Variants in GRM8 observed in about 807,000 individuals in gnomAD.
GRM8 encodes the protein glutamate metabotropic receptor 8, also known as metabotropic glutamate receptor 8.
Under a neutral mutation model 87.2 loss-of-function variants are expected in GRM8, and 47 were observed. The observed-to-expected ratio is 0.54, with a 90% CI of 0.43 to 0.69. GRM8 has a LOEUF of 0.69. Among genes scored for constraint, GRM8 ranks in the 30% least tolerant of loss-of-function variants. GRM8 has a pLI of 0.00. For missense variants in GRM8, 1,019 were observed against 1,139.2 expected (o/e 0.89, Z 1.52); for synonymous variants, 396 against 404.5 (o/e 0.98, Z 0.25).
chr7:127,199,987 T>C (rs1269135761), intron 2 of GRM8, among the ~76,000 whole-genome samples: 1 of 152,212 alleles, frequency 6.6e-6, no homozygotes, highest in Non-Finnish European at 1.5e-5. Flanking sequence ...ATCATATATA[T>C]TTTTTCTTAG....
intron 7 of GRM8, among the ~76,000 whole-genome samples, chr7:126,757,963 C>G (rs1438670098): frequency 6.6e-6 from 1 of 152,050 alleles, no homozygotes; most frequent in East Asian, 1.9e-4. Context: ...CAGGAGGTGA[C>G]TGCAAGAGAA....
intron 6 of GRM8, among the ~76,000 whole-genome samples, chr7:126,860,163 T>C (rs1798033386): frequency 6.6e-6 from 1 of 152,164 alleles, no homozygotes; most frequent in Non-Finnish European, 1.5e-5. Context: ...CTATCCAGAT[T>C]ATAAATTCAT....
chr7:127,070,946 C>G (rs17865064), intron 3 of GRM8, among the ~76,000 whole-genome samples: 2 of 152,222 alleles, frequency 1.3e-5, no homozygotes, highest in East Asian at 3.9e-4. Flanking sequence ...AATTCTGAAA[C>G]AGGCCATTTC....
At chr7:126,645,750 G>A (rs923231937) in intron 7 of GRM8, among the ~76,000 whole-genome samples, 2 of 152,140 alleles carry the variant, frequency 1.3e-5, no homozygotes, top group Non-Finnish European at 2.9e-5. Context: ...TCAACTTCAT[G>A]ATCATTAGTA....
intron 7 of GRM8, among the ~76,000 whole-genome samples, chr7:126,686,130 G>C (rs1343213202): frequency 6.6e-6 from 1 of 151,678 alleles, no homozygotes; most frequent in Non-Finnish European, 1.5e-5. Flanking sequence ...ACCAAATGCA[G>C]AGAGGAGCTA....
At chr7:126,832,016 G>C (rs960773619) in intron 6 of GRM8, among the ~76,000 whole-genome samples, 1 of 152,044 alleles carries the variant, frequency 6.6e-6, no homozygotes, top group Admixed American at 6.5e-5. Context: ...CAATAAATAA[G>C]TGCAGACTTA....
intron 2 of GRM8, among the ~76,000 whole-genome samples, chr7:127,150,552 T>C (rs535122352): frequency 6.6e-6 from 1 of 152,234 alleles, no homozygotes; most frequent in South Asian, 2.1e-4. Flanking sequence ...CACTAAGCAC[T>C]CTACCTACCT....
intron 3 of GRM8, among the ~76,000 whole-genome samples, chr7:126,942,940 A>C (rs1807129377): frequency 6.6e-6 from 1 of 152,140 alleles, no homozygotes; most frequent in African/African-American, 2.4e-5. Context: ...ACTGATACCC[A>C]ATACTGAGTT....
chr7:126,800,312 G>A (rs760530597), intron 6 of GRM8, among the ~76,000 whole-genome samples: 3 of 151,974 alleles, frequency 2.0e-5, no homozygotes, highest in South Asian at 2.1e-4. Context: ...TGCAGTCTAC[G>A]CTCCCTTCAG....
intron 8 of GRM8, among the ~76,000 whole-genome samples, chr7:126,575,457 T>C (rs116033608): frequency 0.011 from 1,710 of 152,002 alleles, 41 homozygotes; most frequent in African/African-American, 0.039. Flanking sequence ...ATAAATGTAA[T>C]GCACTTAAAT....
Position 127,252,834 on chromosome 7 carries a change from G to C in GRM8, c.-349C>G, listed in dbSNP as rs1042115194. ...AGAGGGCGCGGTGAGGAAGCCCGCC[G>C]GGGGCCCGCAGCTCCATGTCAGCGC... On this transcript the variant is annotated 5_prime_UTR_variant, in exon 1 of 11. Transcript: ENST00000339582. The surrounding 1 kb of genome is among the most constrained non-coding windows in gnomAD (Gnocchi z 4.9). 1.9e-5 allele frequency: 4 copies of C among 208,646 alleles called. No individual in the cohort carries two copies. Among genetic ancestry groups the C allele is most frequent in the African/African-American group, 4.8e-5 (2 of 41,890 alleles). 12.9% of individuals were successfully genotyped at this position (208,646 alleles called of 1,614,324 possible). A position where few individuals can be genotyped will look rare whatever the true frequency, so the allele number is the denominator to read the frequency against.
chr7:126,938,937 T>C (rs1806613280), intron 3 of GRM8, among the ~76,000 whole-genome samples: 1 of 152,194 alleles, frequency 6.6e-6, no homozygotes, highest in South Asian at 2.1e-4. Flanking sequence ...GCTACTTACC[T>C]AGACTCTCTA....
Position 126,986,340 on chromosome 7 carries a change from C to A in GRM8, c.728-81657G>T, listed in dbSNP as rs113356105. ...TCCCAAGTCACTTTTATTATCATAACCTGCTTTAGTAATCAAGAGAAAGAA... is the reference window on the plus strand; with the variant it reads ...TCCCAAGTCACTTTTATTATCATAAACTGCTTTAGTAATCAAGAGAAAGAA... On this transcript the variant is annotated intron_variant, in intron 3 of 10. Coordinates refer to ENST00000339582, the MANE Select transcript of GRM8 (RefSeq NM_000845.3). 8.3e-3 allele frequency among the ~76,000 whole-genome samples: 1,267 copies of A among 152,152 alleles called. 11 individuals are homozygous for A. Among genetic ancestry groups the A allele is most frequent in the African/African-American group, 0.028 (1,176 of 41,510 alleles).
chr7:126,959,425 G>A (rs1177769381), intron 3 of GRM8, among the ~76,000 whole-genome samples: 1 of 152,180 alleles, frequency 6.6e-6, no homozygotes, highest in Non-Finnish European at 1.5e-5. Flanking sequence ...ATGATTTAAA[G>A]ACTATTTTTG....
intron 6 of GRM8, among the ~76,000 whole-genome samples, chr7:126,784,971 A>G (rs1328164306): frequency 1.3e-5 from 2 of 152,216 alleles, no homozygotes; most frequent in East Asian, 3.8e-4. Context: ...AACTAACACT[A>G]GTACTGTAAG....
At chr7:126,759,500 T>G (rs941198318) in intron 7 of GRM8, among the ~76,000 whole-genome samples, 4 of 152,156 alleles carry the variant, frequency 2.6e-5, no homozygotes, top group African/African-American at 7.2e-5. Context: ...AGCAGTAAAG[T>G]ACTTTCCTAT....
intron 3 of GRM8, among the ~76,000 whole-genome samples, chr7:127,073,551 G>A (rs1821945043): frequency 6.6e-6 from 1 of 152,116 alleles, no homozygotes; most frequent in African/African-American, 2.4e-5. Context: ...CAATGGTGTG[G>A]GGACCTTTAT....
intron 6 of GRM8, among the ~76,000 whole-genome samples, chr7:126,796,583 A>C (rs963085100): frequency 6.6e-6 from 1 of 152,190 alleles, no homozygotes; most frequent in East Asian, 1.9e-4. Flanking sequence ...CTGGTGATTT[A>C]GTGTTTACAC....
At chr7:126,690,927 G>A (rs1184140331) in intron 7 of GRM8, among the ~76,000 whole-genome samples, 2 of 152,182 alleles carry the variant, frequency 1.3e-5, no homozygotes, top group East Asian at 1.9e-4. Flanking sequence ...CTTCAGAGGG[G>A]AGGTAGTGAA....
Sources: allele counts gnomAD v4.1 joint callset (sites outside exome capture counted in the v4.1 genomes callset), GRCh38; gene constraint gnomAD v4.1.1; non-coding constraint Gnocchi (gnomAD v3.1); transcripts MANE v1.5; gene names NCBI Gene and HGNC (gene_info 2026-07-23, HGNC 2026-07-21).